The following NEMF variants were observed in gnomAD, a reference collection of about 807,000 sequenced individuals.
NEMF encodes the protein nuclear export mediator factor, also known as ribosome quality control complex subunit NEMF.
A neutral mutation model predicts 162.2 loss-of-function variants in NEMF; 89 were observed. The observed-to-expected ratio is 0.55, with a 90% CI of 0.46 to 0.65. NEMF has a LOEUF of 0.65. Ranked by LOEUF, NEMF falls within the 30% of genes least tolerant of loss-of-function variation. The probability of loss-of-function intolerance (pLI) is 0.00; values close to 1 mark genes in which losing one functional copy is unlikely to be tolerated. For missense variants in NEMF, 1,133 were observed against 1,261.9 expected (o/e 0.90, Z 1.55); for synonymous variants, 421 against 404.5 (o/e 1.04, Z -0.49).
Position 49,785,273 on chromosome 14 carries a change from T to C in NEMF, c.2976A>G (p.Val992=). 6.2e-7 allele frequency: 1 copy of C among 1,614,042 alleles called. No homozygotes were observed. Among genetic ancestry groups the C allele is most frequent in the Non-Finnish European group, 8.5e-7 (1 of 1,179,930 alleles). ...SLTGQPHPED[V]LLFAIPICAP... ...CACATATTGGAATGGCAAACAGTAG[T>C]ACATCTTCAGGATGTGGCTGGCCTG... The change falls in exon 30 of 33, where the codon GTA becomes GTG. Residue 992 remains valine, a synonymous_variant. Coordinates refer to ENST00000298310, the MANE Select transcript of NEMF (RefSeq NM_004713.6).
In NEMF at chr14:49,784,182, G is replaced by GGGAAAA. The variant is rs1566641786; in HGVS notation, c.*448_*453dup. ...CATAGTGTTTCCTCTATATAAAACT[G>GGGAAAA]GGAAAAAAACAAGAATTAAGTCCTT... On this transcript the variant is annotated 3_prime_UTR_variant, in exon 33 of 33. Coordinates refer to ENST00000298310, the MANE Select transcript of NEMF (RefSeq NM_004713.6). The GGGAAAA allele has an allele frequency of 6.6e-6, 1 of 151,000 alleles. No individual in the cohort carries two copies. The highest frequency in any genetic ancestry group is 2.0e-4 in the East Asian group (1 of 5,058). 9.4% of individuals were successfully genotyped at this position (151,000 alleles called of 1,614,324 possible). A position where few individuals can be genotyped will look rare whatever the true frequency, so the allele number is the denominator to read the frequency against.
At chr14:49,850,941 T>C (rs969043963) in intron 3 of NEMF, among the ~76,000 whole-genome samples, 1 of 152,204 alleles carries the variant, frequency 6.6e-6, no homozygotes, top group Non-Finnish European at 1.5e-5. Flanking sequence ...CGGTGGCTCA[T>C]GCCTGTAATC....
intron 28 of NEMF, 188 bp from the exon 29 acceptor site, chr14:49,786,938 T>C (rs1890206122): frequency 1.8e-6 from 1 of 550,116 alleles, no homozygotes; most frequent in Non-Finnish European, 3.2e-6. Context: ...TTTGTGTGTG[T>C]CTGTTTTATT....
intron 1 of NEMF, 24 bp from the exon 2 acceptor site, chr14:49,851,899 A>T: frequency 7.3e-6 from 10 of 1,364,166 alleles, no homozygotes; most frequent in Non-Finnish European, 1.0e-5. Context: ...GGAAACATGT[A>T]ACATGTTACA....
chr14:49,843,798 T>C (rs1893332573), intron 4 of NEMF, among the ~76,000 whole-genome samples: 2 of 152,034 alleles, frequency 1.3e-5, no homozygotes, highest in South Asian at 4.1e-4. Flanking sequence ...AAAAATATGG[T>C]ATTACAACAA....
rs531431201 is a variant in NEMF at position 49,783,239 on chromosome 14, A to C, written c.*1397T>G. On this transcript the variant is annotated 3_prime_UTR_variant, in exon 33 of 33. Transcript: ENST00000298310. ...GTAACTTCAGGATATGTATCTGTAGAAACATTATAGTCTTACCATCATCAA... is the reference window on the plus strand; with the variant it reads ...GTAACTTCAGGATATGTATCTGTAGCAACATTATAGTCTTACCATCATCAA... 4.1e-6 allele frequency: 1 copy of C among 241,734 alleles called. No homozygotes were observed. Among genetic ancestry groups the C allele is most frequent in the South Asian group, 1.3e-4 (1 of 7,454 alleles). The allele number at this position is 241,734 out of a possible 1,614,324, so 15.0% of individuals were successfully genotyped here.
Position 49,799,207 on chromosome 14 carries a change from CAAAAAAAA to C in NEMF, c.2465+260_2465+267del, listed in dbSNP as rs780442972. ...TGGGCAACAAAGCGAGACCCTGTTT[CAAAAAAAA>C]AAAAAAAAAAAAAAAAAAGGAAAAT... On this transcript the variant is annotated intron_variant, in intron 25 of 32. Transcript: ENST00000298310. Among the ~76,000 whole-genome samples, 436 of 59,066 alleles carry C rather than the reference CAAAAAAAA, an allele frequency of 7.4e-3. 6 individuals carry two copies. Among genetic ancestry groups the C allele is most frequent in the African/African-American group, 0.027 (386 of 14,198 alleles). The allele number at this position is 59,066 out of a possible 152,430, so 38.7% of individuals were successfully genotyped here. A position where few individuals can be genotyped will look rare whatever the true frequency, so the allele number is the denominator to read the frequency against.
intron 17 of NEMF, 93 bp from the exon 18 acceptor site, chr14:49,814,143 A>G (rs1345958519): frequency 2.6e-6 from 2 of 758,718 alleles, no homozygotes; most frequent in Middle Eastern, 4.0e-4. Flanking sequence ...TCTGTCGCCC[A>G]GGCTGGAGTG....
intron 3 of NEMF, among the ~76,000 whole-genome samples, chr14:49,850,314 C>G (rs772535509): frequency 1.3e-5 from 2 of 152,196 alleles, no homozygotes; most frequent in Non-Finnish European, 2.9e-5. Flanking sequence ...CCTTGAACTT[C>G]TGACCTCAAG....
rs531113234 is a variant in NEMF at position 49,818,863 on chromosome 14, G to C, written c.1578-4006C>G. On this transcript the variant is annotated intron_variant, in intron 16 of 32. Transcript: ENST00000298310. Reference sequence around the variant, plus strand: ...TCTGGGAAATGAGACTAGCTCAAGGGGAAAAGGGCTAAAGACAATGAGGAT... The same window carrying C: ...TCTGGGAAATGAGACTAGCTCAAGGCGAAAAGGGCTAAAGACAATGAGGAT... Among the ~76,000 whole-genome samples the C allele has an allele frequency of 2.6e-5, 4 of 152,162 alleles. No homozygotes were observed. In the East Asian group the frequency reaches 5.8e-4, roughly 22 times the overall value.
rs1892617915 is a variant in NEMF, at chr14:49,831,211, T to C, written c.945+88A>G. The C allele has an allele frequency of 1.2e-5, 9 of 745,040 alleles. 1 individual carries two copies. Among genetic ancestry groups the C allele is most frequent in the South Asian group, 1.1e-4 (7 of 63,920 alleles). 46.2% of individuals were successfully genotyped at this position (745,040 alleles called of 1,614,324 possible). ...AGTTCCCATACTACTTCTTACACTCTTTCTGAAAGGCTACCCTTTCCTATA... is the reference window on the plus strand; with the variant it reads ...AGTTCCCATACTACTTCTTACACTCCTTCTGAAAGGCTACCCTTTCCTATA... On this transcript the variant is annotated intron_variant, in intron 11 of 32. Transcript: ENST00000298310.
intron 22 of NEMF, among the ~76,000 whole-genome samples, chr14:49,802,164 C>G (rs939930830): frequency 4.0e-5 from 6 of 151,826 alleles, no homozygotes; most frequent in African/African-American, 1.5e-4. Flanking sequence ...CCAGGCTGGT[C>G]TCAAACTCCT....
intron 16 of NEMF, among the ~76,000 whole-genome samples, chr14:49,815,452 G>C (rs1891670921): frequency 6.6e-6 from 1 of 152,116 alleles, no homozygotes; most frequent in South Asian, 2.1e-4. Context: ...ATGCAAGACA[G>C]ATGAACATAA....
At chr14:49,820,387 A>G (rs1259483153) in intron 16 of NEMF, 3 of 456,190 alleles carry the variant, frequency 6.6e-6, no homozygotes, top group African/African-American at 6.0e-5. Flanking sequence ...CAAACCTGTC[A>G]GCACTTACGC....
chr14:49,784,682 T>A lies in NEMF; in HGVS notation c.3185A>T (p.Lys1062Ile), dbSNP rs1890075045. 1.2e-6 allele frequency: 2 copies of A among 1,612,980 alleles called. No homozygotes were observed. Residue 1062 changes from lysine (K) to isoleucine (I), a missense_variant, in exon 33 of 33, where the codon AAA (lysine) becomes ATA (isoleucine). Physicochemically the swap from Lys to Ile is moderately radical, Grantham distance 102. Transcript: ENST00000298310. ...AAGATTGGGTGCAGACACTTTCACT[T>A]TGCCAGGAATGTTTCTTGATAAATC... ...DTDLSRNIPG[K>I]VKVSAPNLLN...
In NEMF at chr14:49,800,435, T is replaced by C; in HGVS notation, c.2357A>G (p.His786Arg). ...TTTTAATTACCTTTGGGGTTGAAGG[T>C]GAGACAAGTCAATGGTAGTATCAGG... ...NYPDTTIDLSHLQPQRSIQKL... is the reference protein window; with the variant it reads ...NYPDTTIDLSRLQPQRSIQKL... The change falls in exon 23 of 33, where the codon CAC becomes CGC. Residue 786 changes from histidine to arginine, a missense_variant. His to Arg is a conservative substitution (Grantham distance 29). Around this residue, in one of 3 missense-constraint regions of NEMF, gnomAD observed 532 missense variants for 578.6 expected, o/e 0.92. Coordinates refer to ENST00000298310, the MANE Select transcript of NEMF (RefSeq NM_004713.6). The C allele has an allele frequency of 6.2e-7, 1 of 1,612,390 alleles. No homozygotes were observed. The highest frequency in any genetic ancestry group is 8.5e-7 in the Non-Finnish European group (1 of 1,179,070).
chr14:49,829,420 G>C lies in NEMF; in HGVS notation c.952C>G (p.Gln318Glu). Residue 318 changes from glutamine to glutamate, a missense_variant, in exon 12 of 33, where the codon CAA becomes GAA. Gln to Glu is a conservative substitution (Grantham distance 29). This residue lies in a region of NEMF where 582 missense variants were observed against 631.5 expected (regional missense o/e 0.92). Transcript: ENST00000298310. ...ACATTATCTAATTTCTTCAATGCTT[G>C]CTTTTCCTTTTATTGGCAAAACAGA... Reference protein sequence around the residue: ...IDLKALQQEKQALKKLDNVRK... With the variant: ...IDLKALQQEKEALKKLDNVRK... The C allele has an allele frequency of 6.2e-7, 1 of 1,613,234 alleles. No homozygotes were observed. Among genetic ancestry groups the C allele is most frequent in the Non-Finnish European group, 8.5e-7 (1 of 1,179,600 alleles).
At chr14:49,810,983 T>C (rs1891450757) in intron 18 of NEMF, among the ~76,000 whole-genome samples, 1 of 152,062 alleles carries the variant, frequency 6.6e-6, no homozygotes, top group African/African-American at 2.4e-5. Context: ...GAGACCCTGT[T>C]TCAAAACAAA....
rs1249284030 is a variant in NEMF, at chr14:49,814,754, C to G, written c.1681G>C (p.Gly561Arg). 2 of 1,543,894 alleles carry G rather than the reference C, an allele frequency of 1.3e-6. No individual in the cohort carries two copies. The highest frequency in any genetic ancestry group is 1.8e-6 in the Non-Finnish European group (2 of 1,141,004). Reference sequence around the variant, plus strand: ...TTTTCCGAATTTTAATCTTACCTACCTGGTGTCAAGTATCTTTTCACAATT... The same window carrying G: ...TTTTCCGAATTTTAATCTTACCTACGTGGTGTCAAGTATCTTTTCACAATT... The part of the protein sequence containing the change: ...EIIVKRYLTP[G>R]DIYVHADLHG... The change falls in exon 17 of 33, where the codon GGA becomes CGA. Residue 561 changes from glycine to arginine, a missense_variant and splice_region_variant. By Grantham distance (125) the Gly-to-Arg change is moderately radical. Around this residue, in one of 3 missense-constraint regions of NEMF, gnomAD observed 19 missense variants for 51.8 expected, o/e 0.37. Transcript: ENST00000298310.
Sources: gnomAD v4.1 joint callset for allele counts (sites outside exome capture counted in the v4.1 genomes callset) on GRCh38, gnomAD v4.1.1 for gene constraint, gnomAD v4.1.1 regional missense constraint, MANE v1.5 for transcripts, NCBI Gene and HGNC (gene_info 2026-07-23, HGNC 2026-07-21) for gene names.